Variants in SLC2A4 observed in about 807,000 individuals in gnomAD.
SLC2A4 encodes the protein solute carrier family 2 member 4, also known as solute carrier family 2, facilitated glucose transporter member 4.
SLC2A4 carries 31 observed loss-of-function variants against 53.3 expected under a neutral mutation model. The observed-to-expected ratio is 0.58, with a 90% CI of 0.44 to 0.78. The LOEUF is 0.78. SLC2A4 is among the 30% of genes least tolerant of loss of function. The probability of loss-of-function intolerance (pLI) is 0.00; values close to 1 mark genes in which losing one functional copy is unlikely to be tolerated. For missense variants in SLC2A4, 538 were observed against 655.7 expected (o/e 0.82, Z 1.96); for synonymous variants, 276 against 281.9 (o/e 0.98, Z 0.21).
In SLC2A4 at chr17:7,285,772, T is replaced by C. The variant is rs1355154136; in HGVS notation, c.1190T>C (p.Ile397Thr). 6 of 1,614,230 alleles carry C rather than the reference T, an allele frequency of 3.7e-6. No homozygotes were observed. The highest frequency in any genetic ancestry group is 5.1e-6 in the Non-Finnish European group (6 of 1,180,040). Residue 397 changes from isoleucine (I) to threonine (T), a missense_variant, in exon 10 of 11, where the codon ATT becomes ACT. Transcript: ENST00000317370. This position sits in a 1 kb window ranked among gnomAD's most constrained non-coding sequence, Gnocchi z 6.0. ...AIFGFVAFFE[I>T]GPGPIPWFIV... is the part of the protein sequence containing the mutation. ...TTTGGCTTCGTGGCATTTTTTGAGATTGGCCCTGGCCCCATTCCTTGGTTC... is the reference window on the plus strand; with the variant it reads ...TTTGGCTTCGTGGCATTTTTTGAGACTGGCCCTGGCCCCATTCCTTGGTTC...
At position 7,284,095 on chromosome 17, in the gene SLC2A4, CG is replaced by C. The variant is rs1567602066; in HGVS notation, c.564+8del. On this transcript the variant is annotated splice_region_variant and intron_variant, in intron 5 of 10. Transcript: ENST00000317370. This position sits in a 1 kb window ranked among gnomAD's most constrained non-coding sequence, Gnocchi z 7.5. ...TCGGCATTCTGATCGCCCAGGTGACCGGAGCAAGCCTCATGGGTGCCTGGGC... is the reference window on the plus strand; with the variant it reads ...TCGGCATTCTGATCGCCCAGGTGACCGAGCAAGCCTCATGGGTGCCTGGGC... 6.2e-7 allele frequency: 1 copy of C among 1,612,854 alleles called. No individual in the cohort carries two copies. The highest frequency in any genetic ancestry group is 1.7e-5 in the Admixed American group (1 of 59,906).
chr17:7,282,531 G>C lies in SLC2A4; in HGVS notation c.33+564G>C. 4 of 405,426 alleles carry C rather than the reference G, an allele frequency of 9.9e-6. No homozygotes were observed. Among genetic ancestry groups the C allele is most frequent in the South Asian group, 7.1e-5 (4 of 56,140 alleles). The allele number at this position is 405,426 out of a possible 1,614,324, so 25.1% of individuals were successfully genotyped here. A position where few individuals can be genotyped will look rare whatever the true frequency, so the allele number is the denominator to read the frequency against. On this transcript the variant is annotated intron_variant, in intron 1 of 10. Coordinates refer to ENST00000317370, the MANE Select transcript of SLC2A4 (RefSeq NM_001042.3). The surrounding 1 kb of genome is among the most constrained non-coding windows in gnomAD (Gnocchi z 4.1). ...CCAGCGAGCGGCCACCACTGCCACC[G>C]CCCCTCACACTACCTTCCTGCCCTC... is the stretch of plus-strand genomic sequence containing the variant.
Position 7,285,049 on chromosome 17 carries a change from GC to G in SLC2A4, c.1021-36del, listed in dbSNP as rs1487666764. 6.2e-7 allele frequency: 1 copy of G among 1,610,170 alleles called. No homozygotes were observed. Among genetic ancestry groups the G allele is most frequent in the Admixed American group, 1.7e-5 (1 of 59,202 alleles). ...CCACGCGGCCCCTCCTACTTCCCGT[GC>G]CCAAAAGGCTGGGGTCAAGCTCCGA... On this transcript the variant is annotated intron_variant, in intron 8 of 10. Transcript: ENST00000317370. The surrounding 1 kb of genome is among the most constrained non-coding windows in gnomAD (Gnocchi z 6.0).
chr17:7,286,400 A>G, intron 10 of SLC2A4, 26 bp from the exon 11 acceptor site: 1 of 1,608,084 alleles, frequency 6.2e-7, no homozygotes, highest in Non-Finnish European at 8.5e-7. Context: ...TCACTCCGTC[A>G]ACACCTCTTT....
At position 7,286,468 on chromosome 17, in the gene SLC2A4, C is replaced by T; in HGVS notation, c.1369C>T (p.Leu457=). ...CGTCTTCCTTCTATTTGCGGTCCTC[C>T]TGCTGGGCTTCTTCATCTTCACCTT... ...PYVFLLFAVL[L]LGFFIFTFLR... is the part of the protein sequence containing the mutation. Residue 457 remains leucine, a synonymous_variant, in exon 11 of 11, where the codon CTG becomes TTG. Transcript: ENST00000317370. 6.2e-7 allele frequency: 1 copy of T among 1,614,196 alleles called. No homozygotes were observed. Among genetic ancestry groups the T allele is most frequent in the South Asian group, 1.1e-5 (1 of 91,082 alleles).
Position 7,283,175 on chromosome 17 carries a change from G to A in SLC2A4, c.34-70G>A, listed in dbSNP as rs1482121734. 1.5e-5 allele frequency: 20 copies of A among 1,294,118 alleles called. No individual in the cohort carries two copies. The highest frequency in any genetic ancestry group is 5.8e-5 in the African/African-American group (4 of 68,486). 80.2% of individuals were successfully genotyped at this position (1,294,118 alleles called of 1,614,324 possible). ...GTATCTTCAGGCTCCAGCTGGGCCC[G>A]GGCCCCTAGCGGAAGGAAAAAAATC... On this transcript the variant is annotated intron_variant, in intron 1 of 10. Coordinates refer to ENST00000317370, the MANE Select transcript of SLC2A4 (RefSeq NM_001042.3). This position sits in a 1 kb window ranked among gnomAD's most constrained non-coding sequence, Gnocchi z 5.8.
rs1288606770 is a variant in SLC2A4, at chr17:7,283,038, CCA to C, written c.34-206_34-205del. The C allele has an allele frequency of 1.6e-6, 1 of 623,860 alleles. No individual in the cohort carries two copies. The highest frequency in any genetic ancestry group is 1.8e-5 in the African/African-American group (1 of 54,834). 38.6% of individuals were successfully genotyped at this position (623,860 alleles called of 1,614,324 possible). A position where few individuals can be genotyped will look rare whatever the true frequency, so the allele number is the denominator to read the frequency against. On this transcript the variant is annotated intron_variant, in intron 1 of 10. Transcript: ENST00000317370. This position sits in a 1 kb window ranked among gnomAD's most constrained non-coding sequence, Gnocchi z 5.8. ...TTCTCTGCCTTATGGACCCAAACAT[CCA>C]GTTTCTCCTTTATGCCCAGGTTGCA...
Position 7,285,328 on chromosome 17 carries a change from C to T in SLC2A4, c.1122+139C>T. On this transcript the variant is annotated intron_variant, in intron 9 of 10. Coordinates refer to ENST00000317370, the MANE Select transcript of SLC2A4 (RefSeq NM_001042.3). The surrounding 1 kb of genome is among the most constrained non-coding windows in gnomAD (Gnocchi z 6.0). ...AGCTCCGGACCAGGACTGGGGCTGACTGGCTCCAGAATCTGCTGGGATTGT... is the reference window on the plus strand; with the variant it reads ...AGCTCCGGACCAGGACTGGGGCTGATTGGCTCCAGAATCTGCTGGGATTGT... 2 of 782,208 alleles carry T rather than the reference C, an allele frequency of 2.6e-6. No individual in the cohort carries two copies. Among genetic ancestry groups the T allele is most frequent in the Admixed American group, 4.1e-5 (2 of 48,898 alleles). 48.5% of individuals were successfully genotyped at this position (782,208 alleles called of 1,614,324 possible). A position where few individuals can be genotyped will look rare whatever the true frequency, so the allele number is the denominator to read the frequency against.
rs2072407646 is a variant in SLC2A4 at position 7,282,113 on chromosome 17, A to G, written c.33+146A>G. ...GGCTGGCTATTTATACCCGGCCTGG[A>G]CAACCCGTGACTGTGAGATTCCAAT... On this transcript the variant is annotated intron_variant, in intron 1 of 10. Transcript: ENST00000317370. This position sits in a 1 kb window ranked among gnomAD's most constrained non-coding sequence, Gnocchi z 4.1. 1.4e-6 allele frequency: 1 copy of G among 709,654 alleles called. No homozygotes were observed. The highest frequency in any genetic ancestry group is 1.8e-5 in the African/African-American group (1 of 56,988). 44.0% of individuals were successfully genotyped at this position (709,654 alleles called of 1,614,324 possible).
chr17:7,285,001 G>T lies in SLC2A4; in HGVS notation c.1020+62G>T. 1 of 1,614,070 alleles carries T rather than the reference G, an allele frequency of 6.2e-7. No individual in the cohort carries two copies. The highest frequency in any genetic ancestry group is 8.5e-7 in the Non-Finnish European group (1 of 1,180,000). On this transcript the variant is annotated intron_variant, in intron 8 of 10. Coordinates refer to ENST00000317370, the MANE Select transcript of SLC2A4 (RefSeq NM_001042.3). The surrounding 1 kb of genome is among the most constrained non-coding windows in gnomAD (Gnocchi z 6.0). ...CTTCACCTCCCTGGGTGTCCCGGAG[G>T]TCCTGCTCTTGGTTGCCCTCACCCA...
Position 7,282,464 on chromosome 17 carries a change from C to A in SLC2A4, c.33+497C>A, listed in dbSNP as rs572042475. ...GGGGCAGAGGGGACTGTCAGCCCCCCCTCCTCCAGCTCAGGTTTCCGCTTG... is the reference window on the plus strand; with the variant it reads ...GGGGCAGAGGGGACTGTCAGCCCCCACTCCTCCAGCTCAGGTTTCCGCTTG... On this transcript the variant is annotated intron_variant, in intron 1 of 10. Coordinates refer to ENST00000317370, the MANE Select transcript of SLC2A4 (RefSeq NM_001042.3). This position sits in a 1 kb window ranked among gnomAD's most constrained non-coding sequence, Gnocchi z 4.1. 4.1e-4 allele frequency: 184 copies of A among 452,686 alleles called. No homozygotes were observed. Among genetic ancestry groups the A allele is most frequent in the Admixed American group, 1.4e-3 (58 of 41,990 alleles). The allele number at this position is 452,686 out of a possible 1,614,324, so 28.0% of individuals were successfully genotyped here. A position where few individuals can be genotyped will look rare whatever the true frequency, so the allele number is the denominator to read the frequency against.
chr17:7,286,206 G>A (rs2072448147), intron 10 of SLC2A4: 2 of 655,524 alleles, frequency 3.1e-6, no homozygotes, highest in African/African-American at 1.8e-5. Context: ...CAGTAACTGA[G>A]GATGGTGAAG....
At position 7,281,840 on chromosome 17, in the gene SLC2A4, C is replaced by T. The variant is rs769967658; in HGVS notation, c.-95C>T. The T allele has an allele frequency of 3.1e-5, 43 of 1,370,154 alleles. No homozygotes were observed. Among genetic ancestry groups the T allele is most frequent in the Non-Finnish European group, 3.9e-5 (38 of 982,528 alleles). The allele number at this position is 1,370,154 out of a possible 1,614,324, so 84.9% of individuals were successfully genotyped here. On this transcript the variant is annotated 5_prime_UTR_variant, in exon 1 of 11. Transcript: ENST00000317370. Reference sequence around the variant, plus strand: ...CACGTCACTCCGGGACCCCCGCGGCCTCCGCAGGTTCTGCGCTCCAGGCCG... The same window carrying T: ...CACGTCACTCCGGGACCCCCGCGGCTTCCGCAGGTTCTGCGCTCCAGGCCG...
At position 7,284,826 on chromosome 17, in the gene SLC2A4, C is replaced by A. The variant is rs376593976; in HGVS notation, c.916-9C>A. On this transcript the variant is annotated splice_polypyrimidine_tract_variant and intron_variant, in intron 7 of 10. Transcript: ENST00000317370. The surrounding 1 kb of genome is among the most constrained non-coding windows in gnomAD (Gnocchi z 7.5). ...CCTGCCATCACTTCTTCTTCTCCCCCACCTCTAGGTTTTCTATTATTCGAC... is the reference window on the plus strand; with the variant it reads ...CCTGCCATCACTTCTTCTTCTCCCCAACCTCTAGGTTTTCTATTATTCGAC... The A allele has an allele frequency of 1.1e-5, 17 of 1,614,068 alleles. No individual in the cohort carries two copies. Among genetic ancestry groups the A allele is most frequent in the African/African-American group, 1.3e-5 (1 of 74,936 alleles).
chr17:7,282,722 G>C lies in SLC2A4; in HGVS notation c.34-523G>C, dbSNP rs1227386479. Among the ~76,000 whole-genome samples the C allele has an allele frequency of 6.6e-6, 1 of 152,264 alleles. No homozygotes were observed. The highest frequency in any genetic ancestry group is 1.5e-5 in the Non-Finnish European group (1 of 68,044). On this transcript the variant is annotated intron_variant, in intron 1 of 10. Coordinates refer to ENST00000317370, the MANE Select transcript of SLC2A4 (RefSeq NM_001042.3). The surrounding 1 kb of genome is among the most constrained non-coding windows in gnomAD (Gnocchi z 4.1). ...TTGGTCCTGTTGGGGGCCTCCTGGA[G>C]CTGGCTGACAGAACCCCCAGAGGGG...
chr17:7,287,925 G>A lies in SLC2A4; in HGVS notation c.*1296G>A, dbSNP rs2072466135. The A allele has an allele frequency of 6.6e-6, 1 of 152,200 alleles. No homozygotes were observed. The highest frequency in any genetic ancestry group is 1.5e-5 in the Non-Finnish European group (1 of 68,044). 9.4% of individuals were successfully genotyped at this position (152,200 alleles called of 1,614,324 possible). A position where few individuals can be genotyped will look rare whatever the true frequency, so the allele number is the denominator to read the frequency against. On this transcript the variant is annotated 3_prime_UTR_variant, in exon 11 of 11. Transcript: ENST00000317370. ...TCCCTCTGTCCTGCCTCAGCTCAAGGCCTCAGAATCTTCTGGATGCCATTG... is the reference window on the plus strand; with the variant it reads ...TCCCTCTGTCCTGCCTCAGCTCAAGACCTCAGAATCTTCTGGATGCCATTG...
In SLC2A4 at chr17:7,285,094, T is replaced by G. The variant is rs1328202074; in HGVS notation, c.1027T>G (p.Leu343Val). ...NTVFTLVSVL[L>V]VERAGRRTLH... is the part of the protein sequence containing the mutation. Reference sequence around the variant, plus strand: ...GCTCCGACTCTCCCCGCAGGTGTTGTTGGTGGAGCGGGCGGGGCGCCGGAC... The same window carrying G: ...GCTCCGACTCTCCCCGCAGGTGTTGGTGGTGGAGCGGGCGGGGCGCCGGAC... The change falls in exon 9 of 11, where the codon TTG becomes GTG. Residue 343 changes from leucine (L) to valine (V), a missense_variant. Physicochemically the swap from Leu to Val is conservative, Grantham distance 32. Coordinates refer to ENST00000317370, the MANE Select transcript of SLC2A4 (RefSeq NM_001042.3). The surrounding 1 kb of genome is among the most constrained non-coding windows in gnomAD (Gnocchi z 6.0). 14 of 1,606,300 alleles carry G rather than the reference T, an allele frequency of 8.7e-6. No individual in the cohort carries two copies. The highest frequency in any genetic ancestry group is 1.7e-5 in the Admixed American group (1 of 58,206).
rs767763785 is a variant in SLC2A4 at position 7,284,129 on chromosome 17, A to C, written c.564+40A>C. The C allele has an allele frequency of 8.1e-6, 13 of 1,610,738 alleles. No homozygotes were observed. In the East Asian group the frequency reaches 1.1e-4, roughly 14 times the overall value. ...CCTCATGGGTGCCTGGGCAGTGGTT[A>C]GAGTGGGGCTCTGGAGAATATGGTG... On this transcript the variant is annotated intron_variant, in intron 5 of 10. Transcript: ENST00000317370. The surrounding 1 kb of genome is among the most constrained non-coding windows in gnomAD (Gnocchi z 7.5).
In SLC2A4 at chr17:7,284,360, C is replaced by T. The variant is rs781526466; in HGVS notation, c.708C>T (p.Leu236=). The change falls in exon 6 of 11, where the codon CTC becomes CTT. Residue 236 remains leucine, a synonymous_variant. Transcript: ENST00000317370. This position sits in a 1 kb window ranked among gnomAD's most constrained non-coding sequence, Gnocchi z 7.5. The part of the protein sequence containing the change: ...SPRYLYIIQN[L]EGPARKSLKR... ...GCTACCTCTACATCATCCAGAATCTCGAGGGGCCTGCCAGAAAGAGTAAGC... is the reference window on the plus strand; with the variant it reads ...GCTACCTCTACATCATCCAGAATCTTGAGGGGCCTGCCAGAAAGAGTAAGC... 34 of 1,614,020 alleles carry T rather than the reference C, an allele frequency of 2.1e-5. No homozygotes were observed. The highest frequency in any genetic ancestry group is 8.3e-5 in the Admixed American group (5 of 60,008).
Sources: allele counts gnomAD v4.1 joint callset (sites outside exome capture counted in the v4.1 genomes callset), GRCh38; gene constraint gnomAD v4.1.1; non-coding constraint Gnocchi (gnomAD v3.1); transcripts MANE v1.5; gene names NCBI Gene and HGNC (gene_info 2026-07-23, HGNC 2026-07-21).